The following OSBPL8 variants were observed in gnomAD, a reference collection of about 807,000 sequenced individuals.
OSBPL8 encodes the protein oxysterol-binding protein-related protein 8.
Under a neutral mutation model 125.5 loss-of-function variants are expected in OSBPL8, and 59 were observed. The observed-to-expected ratio is 0.47, with a 90% CI of 0.38 to 0.58. The LOEUF is 0.58. Among genes scored for constraint, OSBPL8 ranks in the 20% least tolerant of loss-of-function variants. The probability of loss-of-function intolerance (pLI) is 0.00; values close to 1 mark genes in which losing one functional copy is unlikely to be tolerated. For synonymous variants in OSBPL8, 330 were observed against 338.9 expected (o/e 0.97, Z 0.29); for missense variants, 758 against 1,047.8 (o/e 0.72, Z 3.82).
At chr12:76,546,085 G>A (rs1369278317) in intron 1 of OSBPL8, among the ~76,000 whole-genome samples, 1 of 152,190 alleles carries the variant, frequency 6.6e-6, no homozygotes, top group Non-Finnish European at 1.5e-5. Flanking sequence ...CGCAGGGCCA[G>A]CTACGGGACT....
Position 76,392,824 on chromosome 12 carries a change from T to C in OSBPL8, c.758-72A>G. ...AACTAGCATGCATCTTAACTTACCC[T>C]GTTACCACTATTTCTTTGAGAAACA... On this transcript the variant is annotated intron_variant, in intron 9 of 23. Transcript: ENST00000261183. 4 of 1,405,726 alleles carry C rather than the reference T, an allele frequency of 2.8e-6. No individual in the cohort carries two copies. The African/African-American group carries it at 4.3e-5, about 15-fold the overall frequency. The allele number at this position is 1,405,726 out of a possible 1,614,324, so 87.1% of individuals were successfully genotyped here.
intron 4 of OSBPL8, among the ~76,000 whole-genome samples, chr12:76,435,328 T>C (rs1429352207): frequency 6.6e-6 from 1 of 152,128 alleles, no homozygotes; most frequent in Admixed American, 6.6e-5. Flanking sequence ...TGATCTCTCT[T>C]ATATGTAGAA....
chr12:76,420,889 G>A (rs1026424499), intron 4 of OSBPL8, among the ~76,000 whole-genome samples: 1 of 151,910 alleles, frequency 6.6e-6, no homozygotes, highest in Non-Finnish European at 1.5e-5. Context: ...AGGAGATGAT[G>A]GAATCATTCC....
chr12:76,510,319 A>G (rs956810812), intron 1 of OSBPL8, among the ~76,000 whole-genome samples: 5 of 152,228 alleles, frequency 3.3e-5, no homozygotes, highest in Non-Finnish European at 5.9e-5. Flanking sequence ...TTCTTGATCT[A>G]TTGTTTTATA....
At chr12:76,399,729 A>G in intron 7 of OSBPL8, 144 bp downstream of exon 7, 3 of 551,030 alleles carry the variant, frequency 5.4e-6, no homozygotes, top group Non-Finnish European at 9.3e-6. Flanking sequence ...AACCTCCGGG[A>G]ATACAATAAT....
intron 1 of OSBPL8, among the ~76,000 whole-genome samples, chr12:76,524,407 A>G (rs994155239): frequency 3.3e-5 from 5 of 152,174 alleles, no homozygotes; most frequent in African/African-American, 1.2e-4. Context: ...TTAACTTGGA[A>G]AACCAAATAA....
intron 3 of OSBPL8, among the ~76,000 whole-genome samples, chr12:76,451,368 C>CT (rs1176477288): frequency 6.6e-6 from 1 of 151,428 alleles, no homozygotes; most frequent in African/African-American, 2.4e-5. Context: ...CGTCGATAAA[C>CT]ATATAAAGAT....
At position 76,392,628 on chromosome 12, in the gene OSBPL8, G is replaced by T; in HGVS notation, c.882C>A (p.Phe294Leu). Residue 294 changes from phenylalanine to leucine, a missense_variant, in exon 10 of 24, where the codon TTC (phenylalanine) becomes TTA (leucine). By Grantham distance (22) the Phe-to-Leu change is conservative (BLOSUM62 0). Around this residue, in one of 3 missense-constraint regions of OSBPL8, gnomAD observed 572 missense variants for 762.0 expected, o/e 0.75. Transcript: ENST00000261183. ...GATTGTTAGCACGTAGTAAGCCATA[G>T]AAAGTCACATGTGTGCTATCTGATG... is the stretch of plus-strand genomic sequence containing the variant. ...SVSSDSTHVT[F>L]YGLLRANNLH... is the part of the protein sequence containing the mutation. The T allele has an allele frequency of 6.2e-7, 1 of 1,613,950 alleles. No homozygotes were observed. The highest frequency in any genetic ancestry group is 1.1e-5 in the South Asian group (1 of 91,070).
intron 1 of OSBPL8, among the ~76,000 whole-genome samples, chr12:76,509,780 A>T (rs1880790352): frequency 6.6e-6 from 1 of 152,158 alleles, no homozygotes; most frequent in African/African-American, 2.4e-5. Flanking sequence ...GTACAACTTT[A>T]GGAAGATGGA....
intron 4 of OSBPL8, among the ~76,000 whole-genome samples, chr12:76,411,593 CTG>C (rs200927812): frequency 0.021 from 3,118 of 152,078 alleles, 45 homozygotes; most frequent in Non-Finnish European, 0.031. Flanking sequence ...CTAAAAAAAA[CTG>C]TTCCATTTTC....
intron 21 of OSBPL8, 90 bp from the exon 22 acceptor site, chr12:76,358,901 G>T: frequency 3.4e-6 from 3 of 894,194 alleles, no homozygotes; most frequent in East Asian, 2.5e-5. Context: ...TCTGCACATA[G>T]GCATGATATT....
At chr12:76,398,374 C>T (rs769919112) in intron 7 of OSBPL8, among the ~76,000 whole-genome samples, 12 of 152,296 alleles carry the variant, frequency 7.9e-5, no homozygotes, top group East Asian at 1.9e-4. Flanking sequence ...AAAATAACTT[C>T]CTCCTAGCCC....
At chr12:76,408,331 G>A (rs1343155678) in intron 5 of OSBPL8, among the ~76,000 whole-genome samples, 11 of 149,794 alleles carry the variant, frequency 7.3e-5, no homozygotes, top group East Asian at 2.0e-4. Context: ...CTGTGGTGGC[G>A]GGCGCCTGTA....
chr12:76,400,401 T>C (rs1333431335), intron 6 of OSBPL8, among the ~76,000 whole-genome samples: 9 of 152,236 alleles, frequency 5.9e-5, no homozygotes, highest in Admixed American at 5.9e-4. Context: ...AGTCTCTCAT[T>C]GATGGGCATT....
intron 1 of OSBPL8, among the ~76,000 whole-genome samples, chr12:76,536,456 T>C (rs987177972): frequency 2.0e-5 from 3 of 152,082 alleles, no homozygotes; most frequent in African/African-American, 7.2e-5. Context: ...ACAGGATAGC[T>C]GTAAAAAATA....
intron 21 of OSBPL8, chr12:76,366,619 C>G (rs527779022): frequency 2.3e-6 from 1 of 442,996 alleles, no homozygotes. Context: ...CAGTTTCTCA[C>G]GGAATGAAGT....
At chr12:76,523,989 A>G (rs1950093424) in intron 1 of OSBPL8, among the ~76,000 whole-genome samples, 1 of 152,228 alleles carries the variant, frequency 6.6e-6, no homozygotes. Context: ...AACAATATGG[A>G]AAAGAGATTA....
intron 1 of OSBPL8, among the ~76,000 whole-genome samples, chr12:76,499,267 T>A (rs1879612265): frequency 6.6e-6 from 1 of 152,016 alleles, no homozygotes; most frequent in Non-Finnish European, 1.5e-5. Context: ...CAGCCTGTTG[T>A]GGGACCTTGT....
At chr12:76,460,024 C>A in intron 2 of OSBPL8, 129 bp from the exon 3 acceptor site, 1 of 783,862 alleles carries the variant, frequency 1.3e-6, no homozygotes, top group Non-Finnish European at 2.2e-6. Context: ...AAGTAGAAAG[C>A]ACATGCACAT....
Sources: allele counts gnomAD v4.1 joint callset (sites outside exome capture counted in the v4.1 genomes callset), GRCh38; gene constraint gnomAD v4.1.1; regional missense constraint gnomAD v4.1.1; transcripts MANE v1.5; gene names NCBI Gene and HGNC (gene_info 2026-07-23, HGNC 2026-07-21).